Variants in ACOT11 observed in about 807,000 individuals in gnomAD.
ACOT11 encodes the protein acyl-coenzyme A thioesterase 11.
Under a neutral mutation model 77.5 loss-of-function variants are expected in ACOT11, and 69 were observed. That is an observed-to-expected ratio of 0.89 (90% CI 0.73 to 1.09). The LOEUF (loss-of-function observed/expected upper bound fraction) is 1.09. ACOT11 is among the 50% of genes least tolerant of loss of function. The pLI is 0.00. For synonymous variants in ACOT11, 279 were observed against 313.0 expected (o/e 0.89, Z 1.15); for missense variants, 766 against 813.7 (o/e 0.94, Z 0.71).
rs539575667 is a variant in ACOT11 at position 54,590,722 on chromosome 1, G to C, written c.312-1824G>C. Reference sequence around the variant, plus strand: ...TAATTAACATTTTTCTAAATTTGCTGTATCTATGTATGGACAAATAAATAA... The same window carrying C: ...TAATTAACATTTTTCTAAATTTGCTCTATCTATGTATGGACAAATAAATAA... On this transcript the variant is annotated intron_variant, in intron 3 of 15. Transcript: ENST00000343744. 7.9e-5 allele frequency among the ~76,000 whole-genome samples: 12 copies of C among 152,206 alleles called. No homozygotes were observed. In the East Asian group the frequency reaches 2.1e-3, roughly 27 times the overall value.
chr1:54,566,611 C>T (rs1653742329), intron 1 of ACOT11, among the ~76,000 whole-genome samples: 1 of 152,132 alleles, frequency 6.6e-6, no homozygotes, highest in Admixed American at 6.5e-5. Context: ...TTCTATGGGT[C>T]AGGAATTCTG....
chr1:54,633,924 AT>A (rs529769836), intron 16 of ACOT11, among the ~76,000 whole-genome samples: 53 of 152,212 alleles, frequency 3.5e-4, no homozygotes, highest in Non-Finnish European at 7.2e-4. Flanking sequence ...AAGACTCTAG[AT>A]TTGCTAATCT....
intron 15 of ACOT11, among the ~76,000 whole-genome samples, chr1:54,618,844 CTTT>C (rs1173467456): frequency 6.6e-6 from 1 of 151,798 alleles, no homozygotes; most frequent in Admixed American, 6.6e-5. Context: ...GTTATTTGAT[CTTT>C]TTTTGCCTGT....
exon 16 of ACOT11, chr1:54,630,735 G>C (rs1644294782): frequency 1.4e-6 from 1 of 728,708 alleles, no homozygotes; most frequent in South Asian, 1.5e-5. Flanking sequence ...TTCCTCTAGT[G>C]CTGCTGGGTT....
chr1:54,617,131 C>T (rs1174664996), intron 15 of ACOT11, among the ~76,000 whole-genome samples: 1 of 152,216 alleles, frequency 6.6e-6, no homozygotes, highest in African/African-American at 2.4e-5. Context: ...TTTAGCTTCA[C>T]ATAGTTAACT....
intron 3 of ACOT11, among the ~76,000 whole-genome samples, chr1:54,586,471 AC>A (rs1178319526): frequency 6.8e-6 from 1 of 146,758 alleles, no homozygotes; most frequent in African/African-American, 2.5e-5. Context: ...TCCCTCTGTC[AC>A]CCAGGCTGGA....
intron 15 of ACOT11, among the ~76,000 whole-genome samples, chr1:54,618,468 G>A (rs1231132813): frequency 6.6e-6 from 1 of 152,130 alleles, no homozygotes; most frequent in Non-Finnish European, 1.5e-5. Context: ...TCACACCAGT[G>A]CACTCCAGCC....
In ACOT11 at chr1:54,605,132, G is replaced by A; in HGVS notation, c.1293G>A (p.Val431=). 1.2e-6 allele frequency: 2 copies of A among 1,614,012 alleles called. No individual in the cohort carries two copies. The highest frequency in any genetic ancestry group is 1.7e-6 in the Non-Finnish European group (2 of 1,180,036). ...DKFLSFHMEM[V]VHVDAAQAFL... is the part of the protein sequence containing the mutation. ...TCCTCTCCTTCCACATGGAGATGGT[G>A]GTGCATGTGGATGCAGCCCAGGCCT... Residue 431 remains valine, a synonymous_variant, in exon 13 of 16, where the codon GTG becomes GTA. Coordinates refer to ENST00000343744, the MANE Select transcript of ACOT11 (RefSeq NM_147161.4).
chr1:54,614,948 GTGT>G, downstream of ACOT11: 1 of 1,282,032 alleles, frequency 7.8e-7, no homozygotes, highest in Non-Finnish European at 1.1e-6. Flanking sequence ...GGGTGTGTGT[GTGT>G]GTGCATGTGC....
intron 15 of ACOT11, among the ~76,000 whole-genome samples, chr1:54,617,551 T>A (rs1207999475): frequency 6.6e-6 from 1 of 151,198 alleles, no homozygotes; most frequent in Non-Finnish European, 1.5e-5. Context: ...GTCTGTACAA[T>A]CAGGGCCTGC....
intron 1 of ACOT11, chr1:54,572,971 T>C: frequency 1.0e-6 from 1 of 985,422 alleles, no homozygotes; most frequent in African/African-American, 1.7e-5. Context: ...GAGTTTGCAA[T>C]TTCCTCACTG....
At chr1:54,557,788 T>C (rs1228790869) in intron 1 of ACOT11, among the ~76,000 whole-genome samples, 3 of 152,112 alleles carry the variant, frequency 2.0e-5, no homozygotes, top group African/African-American at 7.2e-5. Flanking sequence ...GGCTTTAGGG[T>C]TTTCTATATA....
intron 1 of ACOT11, chr1:54,573,149 G>A (rs1653982475): frequency 1.0e-6 from 1 of 985,348 alleles, no homozygotes; most frequent in Non-Finnish European, 1.2e-6. Flanking sequence ...AGCATGTCTG[G>A]TTAAGGAAGA....
At position 54,599,199 on chromosome 1, in the gene ACOT11, TATATATATATATATATATATATATAA is replaced by T. The variant is rs1375341257; in HGVS notation, c.765-95_765-70del. ...AAAAAAAAATATATATATATATATA[TATATATATATATATATATATATATAA>T]AAATCTGGCCCAAACTAGTGGCTGA... is the stretch of plus-strand genomic sequence containing the variant. On this transcript the variant is annotated intron_variant, in intron 7 of 15. Coordinates refer to ENST00000343744, the MANE Select transcript of ACOT11 (RefSeq NM_147161.4). 577 of 61,514 alleles carry T rather than the reference TATATATATATATATATATATATATAA, an allele frequency of 9.4e-3. 28 individuals are homozygous for T. The highest frequency in any genetic ancestry group is 0.053 in the African/African-American group (540 of 10,108). 3.8% of individuals were successfully genotyped at this position (61,514 alleles called of 1,614,324 possible). A position where few individuals can be genotyped will look rare whatever the true frequency, so the allele number is the denominator to read the frequency against.
intron 3 of ACOT11, among the ~76,000 whole-genome samples, chr1:54,590,379 A>G (rs538494241): frequency 6.6e-6 from 1 of 151,972 alleles, no homozygotes; most frequent in African/African-American, 2.4e-5. Context: ...GGTGTCCGGG[A>G]GCTCCGGGGC....
chr1:54,596,076 G>A (rs923487564), intron 6 of ACOT11, among the ~76,000 whole-genome samples: 1 of 152,146 alleles, frequency 6.6e-6, no homozygotes, highest in East Asian at 1.9e-4. Context: ...TCCTAACAGC[G>A]CTCCCACCTA....
At chr1:54,594,215 C>T (rs1654815897) in intron 5 of ACOT11, among the ~76,000 whole-genome samples, 176 bp downstream of exon 5, 1 of 152,150 alleles carries the variant, frequency 6.6e-6, no homozygotes, top group African/African-American at 2.4e-5. Context: ...ATCCCCCAGC[C>T]CCCTCTCCCC....
intron 8 of ACOT11, among the ~76,000 whole-genome samples, chr1:54,600,470 G>C (rs1643948348): frequency 6.6e-6 from 1 of 152,132 alleles, no homozygotes; most frequent in African/African-American, 2.4e-5. Flanking sequence ...ATCACTTACG[G>C]CTCGGAGTTC....
chr1:54,607,842 G>T lies in ACOT11; in HGVS notation c.1503-100G>T. On this transcript the variant is annotated intron_variant, in intron 14 of 15. Transcript: ENST00000343744. The surrounding 1 kb of genome is among the most constrained non-coding windows in gnomAD (Gnocchi z 4.5). ...CTTGCATCCCCCTGGTGAGGAATCT[G>T]TGCTAGAGGGGGCAGGGTCTCGGCC... The T allele has an allele frequency of 6.7e-7, 1 of 1,498,432 alleles. No individual in the cohort carries two copies. Among genetic ancestry groups the T allele is most frequent in the Non-Finnish European group, 9.1e-7 (1 of 1,095,876 alleles). The allele number at this position is 1,498,432 out of a possible 1,614,324, so 92.8% of individuals were successfully genotyped here. A position where few individuals can be genotyped will look rare whatever the true frequency, so the allele number is the denominator to read the frequency against.
Sources: gnomAD v4.1 joint callset for allele counts (sites outside exome capture counted in the v4.1 genomes callset) on GRCh38, gnomAD v4.1.1 for gene constraint, Gnocchi (gnomAD v3.1) non-coding constraint, MANE v1.5 for transcripts, NCBI Gene and HGNC (gene_info 2026-07-23, HGNC 2026-07-21) for gene names.